ZSCAN25: variants seen among roughly 807,000 people sequenced by gnomAD.
The protein encoded by ZSCAN25 is zinc finger and SCAN domain containing 25.
ZSCAN25 carries 27 observed loss-of-function variants against 38.7 expected under a neutral mutation model. The observed-to-expected ratio is 0.70, with a 90% CI of 0.51 to 0.96. The LOEUF is 0.96. Among genes scored for constraint, ZSCAN25 ranks in the 40% least tolerant of loss-of-function variants. The pLI, the probability that ZSCAN25 is intolerant of heterozygous loss-of-function variation, is 0.00. For synonymous variants in ZSCAN25, 273 were observed against 277.7 expected (o/e 0.98, Z 0.17); for missense variants, 637 against 705.9 (o/e 0.90, Z 1.11).
the ZSCAN25 span, among the ~76,000 whole-genome samples, chr7:99,737,213 A>G: frequency 6.6e-6 from 1 of 152,186 alleles, no homozygotes; most frequent in Non-Finnish European, 1.5e-5. Flanking sequence ...TAGCTTCCCA[A>G]CTGATACTGA....
chr7:99,703,051 T>C, the ZSCAN25 span, among the ~76,000 whole-genome samples: 3 of 152,230 alleles, frequency 2.0e-5, no homozygotes, highest in Admixed American at 6.5e-5. Context: ...TTGTTCACTA[T>C]TGGCATATAG....
chr7:99,681,072 G>A, the ZSCAN25 span, among the ~76,000 whole-genome samples: 3 of 152,244 alleles, frequency 2.0e-5, no homozygotes, highest in African/African-American at 4.8e-5. Flanking sequence ...TTCTGTGCCT[G>A]GCTTATTTCA....
the ZSCAN25 span, among the ~76,000 whole-genome samples, chr7:99,700,818 C>T: frequency 2.6e-5 from 4 of 152,194 alleles, no homozygotes; most frequent in Non-Finnish European, 5.9e-5. Flanking sequence ...GTGTCATCCC[C>T]TCTGAGTCTG....
the ZSCAN25 span, chr7:99,700,073 CT>C: frequency 7.0e-7 from 1 of 1,435,226 alleles, no homozygotes; most frequent in South Asian, 1.1e-5. Flanking sequence ...CTGAGTCTTA[CT>C]TTCAGCTGTG....
chr7:99,664,069 A>C, the ZSCAN25 span: 1 of 1,593,144 alleles, frequency 6.3e-7, no homozygotes, highest in Non-Finnish European at 8.5e-7. Context: ...AATGCTTCAA[A>C]AACTGGGGTA....
the ZSCAN25 span, among the ~76,000 whole-genome samples, chr7:99,646,989 TTAA>T: frequency 6.6e-6 from 1 of 152,210 alleles, no homozygotes; most frequent in Admixed American, 6.5e-5. Context: ...CACCATAGGA[TTAA>T]TGCTAGCTTT....
chr7:99,700,561 A>T, the ZSCAN25 span, among the ~76,000 whole-genome samples: 7 of 152,000 alleles, frequency 4.6e-5, no homozygotes, highest in African/African-American at 1.7e-4. Context: ...CAACCTCCTC[A>T]CACAGATGTA....
At chr7:99,729,957 A>G in the ZSCAN25 span, among the ~76,000 whole-genome samples, 1 of 152,224 alleles carries the variant, frequency 6.6e-6, no homozygotes, top group African/African-American at 2.4e-5. Flanking sequence ...TTGCTTTTGC[A>G]GAGGGAAAAA....
chr7:99,649,343 G>C, the ZSCAN25 span, among the ~76,000 whole-genome samples: 2 of 152,118 alleles, frequency 1.3e-5, no homozygotes, highest in African/African-American at 2.4e-5. Context: ...TAAATACACC[G>C]GTCCTGGAAA....
chr7:99,690,448 G>C, the ZSCAN25 span, among the ~76,000 whole-genome samples: 1 of 152,134 alleles, frequency 6.6e-6, no homozygotes, highest in African/African-American at 2.4e-5. Flanking sequence ...TGACAAATGG[G>C]ATCTAATGAA....
At chr7:99,624,615 G>A (rs1159250475) in intron 7 of ZSCAN25, 2 of 186,234 alleles carry the variant, frequency 1.1e-5, no homozygotes, top group Admixed American at 1.1e-4. Context: ...AAGCGTTGGA[G>A]CTCACGGTGT....
chr7:99,630,504 C>G lies in ZSCAN25; in HGVS notation c.*484C>G. ...TGGGAATGCCGTGGTGAATGAGAGA[C>G]TAGACGTGATGCCTCTGGGGGTTGT... is the stretch of plus-strand genomic sequence containing the variant. On this transcript the variant is annotated 3_prime_UTR_variant, in exon 8 of 8. Coordinates refer to ENST00000394152, the MANE Select transcript of ZSCAN25 (RefSeq NM_145115.3). The G allele has an allele frequency of 1.0e-6, 1 of 995,886 alleles. No individual in the cohort carries two copies. The highest frequency in any genetic ancestry group is 4.5e-5 in the South Asian group (1 of 22,196). 61.7% of individuals were successfully genotyped at this position (995,886 alleles called of 1,614,324 possible). A position where few individuals can be genotyped will look rare whatever the true frequency, so the allele number is the denominator to read the frequency against.
At chr7:99,648,495 G>T in the ZSCAN25 span, 2 of 764,330 alleles carry the variant, frequency 2.6e-6, no homozygotes, top group East Asian at 3.6e-5. Context: ...AAAATGCTTT[G>T]CAAGCATATA....
chr7:99,674,414 G>C, the ZSCAN25 span: 11 of 681,338 alleles, frequency 1.6e-5, no homozygotes, highest in Admixed American at 5.6e-5. Context: ...ACCTCTCTCT[G>C]TTTGTATTTA....
chr7:99,617,260 C>T (rs999551694), intron 1 of ZSCAN25, among the ~76,000 whole-genome samples: 1 of 152,220 alleles, frequency 6.6e-6, no homozygotes, highest in East Asian at 1.9e-4. Flanking sequence ...GAGGCTGATC[C>T]CGCTCTGCCA....
the ZSCAN25 span, among the ~76,000 whole-genome samples, chr7:99,712,316 T>A: frequency 1.3e-5 from 2 of 152,212 alleles, no homozygotes; most frequent in Non-Finnish European, 2.9e-5. Context: ...TATCTAATAA[T>A]TGTATTCTGT....
the ZSCAN25 span, among the ~76,000 whole-genome samples, chr7:99,690,016 A>G: frequency 6.6e-6 from 1 of 152,242 alleles, no homozygotes; most frequent in Admixed American, 6.5e-5. Context: ...AAAAGAACAA[A>G]GCCGCAGGCA....
At chr7:99,652,426 T>C in the ZSCAN25 span, 1 of 670,250 alleles carries the variant, frequency 1.5e-6, no homozygotes, top group Non-Finnish European at 2.5e-6. Flanking sequence ...TTATCACTTT[T>C]TTGTGATAAA....
At chr7:99,620,055 C>T (rs1426476643) in intron 4 of ZSCAN25, 62 bp downstream of exon 4, 5 of 1,505,374 alleles carry the variant, frequency 3.3e-6, no homozygotes, top group Non-Finnish European at 4.4e-6. Flanking sequence ...TTAAAGAATC[C>T]AAAGATTTGA....
Sources: allele counts gnomAD v4.1 joint callset (sites outside exome capture counted in the v4.1 genomes callset), GRCh38; gene constraint gnomAD v4.1.1; transcripts MANE v1.5; gene names NCBI Gene and HGNC (gene_info 2026-07-23, HGNC 2026-07-21).